Variants in BPIFC observed in about 807,000 individuals in gnomAD.
BPIFC encodes BPI fold-containing family C protein.
Under a neutral mutation model 57.6 loss-of-function variants are expected in BPIFC, and 60 were observed. The observed-to-expected ratio is 1.04, with a 90% confidence interval of 0.85 to 1.29. The LOEUF (loss-of-function observed/expected upper bound fraction) is 1.29, where lower values mean the gene tolerates loss of function less well. Ranked by LOEUF, BPIFC falls within the 50% of genes most tolerant of loss-of-function variation. The pLI, the probability that BPIFC is intolerant of heterozygous loss-of-function variation, is 0.00. For synonymous variants in BPIFC, 243 were observed against 224.5 expected (o/e 1.08, Z -0.74); for missense variants, 581 against 600.5 (o/e 0.97, Z 0.34).
chr22:32,457,158 G>T (rs761439642), intron 3 of BPIFC, 105 bp downstream of exon 3: 4 of 1,332,432 alleles, frequency 3.0e-6, no homozygotes, highest in Non-Finnish European at 4.0e-6. Flanking sequence ...CCCACAGTAC[G>T]GCGTTTCTCA....
At chr22:32,432,230 G>T in intron 12 of BPIFC, 143 bp downstream of exon 12, 1 of 866,336 alleles carries the variant, frequency 1.2e-6, no homozygotes, top group Non-Finnish European at 1.7e-6. Flanking sequence ...ATAGGCATGA[G>T]CCATCACGTC....
intron 16 of BPIFC, 106 bp from the exon 17 acceptor site, chr22:32,414,531 A>C: frequency 2.2e-6 from 3 of 1,385,760 alleles, no homozygotes; most frequent in Non-Finnish European, 2.9e-6. Context: ...TTTAATTTTG[A>C]GATGGAGTCT....
intron 7 of BPIFC, among the ~76,000 whole-genome samples, chr22:32,444,806 C>T (rs1336379615): frequency 3.3e-5 from 5 of 152,168 alleles, no homozygotes; most frequent in Admixed American, 3.3e-4. Context: ...TCCCAGGACA[C>T]TTCCAGGCCC....
At chr22:32,431,313 A>G (rs1934234938) in intron 13 of BPIFC, 34 bp downstream of exon 13, 26 of 1,554,390 alleles carry the variant, frequency 1.7e-5, no homozygotes, top group Non-Finnish European at 2.2e-5. Context: ...ACTTATTACT[A>G]AGGTGCCCCA....
At chr22:32,451,368 T>A (rs1934891523) in intron 4 of BPIFC, among the ~76,000 whole-genome samples, 1 of 152,246 alleles carries the variant, frequency 6.6e-6, no homozygotes, top group Admixed American at 6.5e-5. Context: ...ATATGATTTA[T>A]ACTCCTTTGG....
In BPIFC at chr22:32,445,713, G is replaced by GAAAAAAAAAA. The variant is rs61507713; in HGVS notation, c.531-25_531-16dup. The GAAAAAAAAAA allele has an allele frequency of 3.6e-3, 2,587 of 709,890 alleles. 17 individuals are homozygous for GAAAAAAAAAA. The highest frequency in any genetic ancestry group is 8.5e-3 in the South Asian group (347 of 40,644). 44.0% of individuals were successfully genotyped at this position (709,890 alleles called of 1,614,324 possible). A position where few individuals can be genotyped will look rare whatever the true frequency, so the allele number is the denominator to read the frequency against. On this transcript the variant is annotated splice_polypyrimidine_tract_variant and intron_variant, in intron 6 of 16. Coordinates refer to ENST00000300399, the MANE Select transcript of BPIFC (RefSeq NM_174932.3). ...TATACAGAACACTGAGGAAAAAAAT[G>GAAAAAAAAAA]AAAAAAAAAAAAAAAAAAAAAAGAG... is the stretch of plus-strand genomic sequence containing the variant.
chr22:32,436,365 G>T (rs1934396284), intron 9 of BPIFC, among the ~76,000 whole-genome samples: 1 of 103,124 alleles, frequency 9.7e-6, no homozygotes, highest in African/African-American at 3.1e-5. Context: ...GGAGGAGGAG[G>T]AGGAGGAGGA....
intron 13 of BPIFC, among the ~76,000 whole-genome samples, chr22:32,420,561 C>A (rs1412698956): frequency 6.6e-6 from 1 of 152,166 alleles, no homozygotes; most frequent in Non-Finnish European, 1.5e-5. Context: ...TTGTTAGTAA[C>A]CCCATTTCTG....
In BPIFC at chr22:32,437,812, G is replaced by A. The variant is rs759137807; in HGVS notation, c.695C>T (p.Ser232Phe). 2.5e-6 allele frequency: 4 copies of A among 1,612,492 alleles called. No individual in the cohort carries two copies. Among genetic ancestry groups the A allele is most frequent in the Non-Finnish European group, 3.4e-6 (4 of 1,178,654 alleles). Residue 232 changes from serine (S) to phenylalanine (F), a missense_variant, in exon 9 of 17, where the codon TCC becomes TTC. Coordinates refer to ENST00000300399, the MANE Select transcript of BPIFC (RefSeq NM_174932.3). ...KIDNYTLLDY[S>F]LISSPEITEN... ...AGTAATTTCTGGAGAACTGATTAGG[G>A]AGTAATCCAGCAGAGTGTAGTTGTC...
At chr22:32,460,547 C>T (rs1446638700) in intron 2 of BPIFC, among the ~76,000 whole-genome samples, 1 of 152,208 alleles carries the variant, frequency 6.6e-6, no homozygotes, top group Non-Finnish European at 1.5e-5. Context: ...TAGGAGCCCC[C>T]TCTATACCCC....
Position 32,453,374 on chromosome 22 carries a change from TTTAC to T in BPIFC, c.245+5_245+8del, listed in dbSNP as rs1287544532. The T allele has an allele frequency of 1.0e-5, 16 of 1,572,218 alleles. No individual in the cohort carries two copies. Among genetic ancestry groups the T allele is most frequent in the African/African-American group, 1.4e-5 (1 of 72,548 alleles). ...TTATAAGAGGCAAAATGCTCTTCTT[TTTAC>T]TTACTTTGAAAAATTGTAGTTTACA... On this transcript the variant is annotated splice_donor_5th_base_variant and intron_variant, in intron 4 of 16. Coordinates refer to ENST00000300399, the MANE Select transcript of BPIFC (RefSeq NM_174932.3).
intron 8 of BPIFC, among the ~76,000 whole-genome samples, chr22:32,441,612 G>A (rs1934566588): frequency 6.6e-6 from 1 of 152,290 alleles, no homozygotes; most frequent in Non-Finnish European, 1.5e-5. Context: ...TTTCCTGGAA[G>A]AGGCTATGTC....
chr22:32,429,624 C>T (rs1739016602), intron 13 of BPIFC, among the ~76,000 whole-genome samples: 1 of 144,832 alleles, frequency 6.9e-6, no homozygotes, highest in East Asian at 2.3e-4. Context: ...TCAAGCAATT[C>T]TTCTGTCTCA....
intron 8 of BPIFC, among the ~76,000 whole-genome samples, chr22:32,438,917 GC>G (rs756953040): frequency 2.6e-5 from 4 of 152,200 alleles, no homozygotes; most frequent in Middle Eastern, 3.4e-3. Context: ...AATTGGAGAG[GC>G]CAAGGAGATT....
At chr22:32,446,578 G>A (rs150914597) in intron 5 of BPIFC, among the ~76,000 whole-genome samples, 23 of 152,318 alleles carry the variant, frequency 1.5e-4, no homozygotes, top group African/African-American at 5.5e-4. Context: ...TTCTTTAGAT[G>A]GGGATAAATG....
rs1201087279 is a variant in BPIFC at position 32,445,633 on chromosome 22, A to T, written c.594+2T>A. On this transcript the variant is annotated splice_donor_variant, in intron 7 of 16. Transcript: ENST00000300399. LOFTEE classifies it high-confidence loss of function. ...GTGGTTGCCTAACCTCTAAAGACTC[A>T]CCATTTCATTTAAGTTCTTTAAAAT... is the stretch of plus-strand genomic sequence containing the variant. The T allele has an allele frequency of 6.3e-7, 1 of 1,595,590 alleles. No individual in the cohort carries two copies.
At chr22:32,434,188 A>G (rs1934325342) in intron 10 of BPIFC, among the ~76,000 whole-genome samples, 1 of 149,184 alleles carries the variant, frequency 6.7e-6, no homozygotes, top group Non-Finnish European at 1.5e-5. Flanking sequence ...CTATGTGTAC[A>G]TATTCTTTAT....
At chr22:32,464,299 TC>T in intron 1 of BPIFC, 74 bp downstream of exon 1, 1 of 660,394 alleles carries the variant, frequency 1.5e-6, no homozygotes, top group South Asian at 6.8e-5. Flanking sequence ...GTTCAAAGTG[TC>T]CTACCAAATC....
At chr22:32,460,217 C>T (rs1935133604) in intron 2 of BPIFC, among the ~76,000 whole-genome samples, 1 of 152,166 alleles carries the variant, frequency 6.6e-6, no homozygotes, top group Non-Finnish European at 1.5e-5. Context: ...GGAAAAGGCG[C>T]CCCTCTGGAG....
Sources: allele counts gnomAD v4.1 joint callset (sites outside exome capture counted in the v4.1 genomes callset), GRCh38; gene constraint gnomAD v4.1.1; transcripts MANE v1.5; gene names NCBI Gene and HGNC (gene_info 2026-07-23, HGNC 2026-07-21).